The following MAML2 variants were observed in gnomAD, a reference collection of about 807,000 sequenced individuals.
MAML2 encodes the protein mastermind like transcriptional coactivator 2, also known as mastermind-like protein 2.
In MAML2, 22 loss-of-function variants were observed where a neutral mutation model predicts 96.1. The ratio of observed to expected loss-of-function variants is 0.23; its 90% CI spans 0.16 to 0.33. MAML2 has a LOEUF of 0.33. Among genes scored for constraint, MAML2 ranks in the 10% least tolerant of loss-of-function variants. The pLI is 1.00. For missense variants in MAML2, 1,367 were observed against 1,392.4 expected, an observed-to-expected ratio of 0.98 and a Z score of 0.29; for synonymous variants, 561 against 521.3, an observed-to-expected ratio of 1.08 and a Z score of -1.04.
intron 2 of MAML2, among the ~76,000 whole-genome samples, chr11:96,087,181 A>AAACC (rs10694967): frequency 0.021 from 3,241 of 152,274 alleles, 117 homozygotes; most frequent in African/African-American, 0.074. Context: ...GCTAATGTTA[A>AAACC]AACCAACCAA....
At chr11:96,139,957 A>G (rs771505916) in intron 1 of MAML2, among the ~76,000 whole-genome samples, 6 of 152,190 alleles carry the variant, frequency 3.9e-5, no homozygotes, top group Non-Finnish European at 7.3e-5. Context: ...AAAAAAATCT[A>G]TTGAATTAAG....
At chr11:96,290,236 C>G (rs1382070429) in intron 1 of MAML2, among the ~76,000 whole-genome samples, 1 of 152,182 alleles carries the variant, frequency 6.6e-6, no homozygotes, top group East Asian at 1.9e-4. Context: ...TGAACTCTAA[C>G]AGAGATACAG....
chr11:96,155,542 A>ATATATT (rs2135882900), intron 1 of MAML2, among the ~76,000 whole-genome samples: 1 of 103,608 alleles, frequency 9.7e-6, no homozygotes, highest in Non-Finnish European at 2.0e-5. Context: ...ATATATATAT[A>ATATATT]TATATATATG....
At chr11:96,296,607 C>T (rs496791) in intron 1 of MAML2, among the ~76,000 whole-genome samples, 37,474 of 151,972 alleles carry the variant, frequency 0.25, 4,864 homozygotes, top group East Asian at 0.33. Context: ...TGTGCCACTG[C>T]ACTCCAGCCT....
intron 1 of MAML2, among the ~76,000 whole-genome samples, chr11:96,278,618 A>G (rs2135984412): frequency 6.6e-6 from 1 of 152,242 alleles, no homozygotes; most frequent in African/African-American, 2.4e-5. Flanking sequence ...ATTACTTATG[A>G]CTCATTGAGT....
chr11:96,337,104 G>A (rs1318646402), intron 1 of MAML2, among the ~76,000 whole-genome samples: 1 of 152,058 alleles, frequency 6.6e-6, no homozygotes, highest in Non-Finnish European at 1.5e-5. Context: ...ATATTTACTT[G>A]AAATAAGTGG....
chr11:96,291,248 C>T (rs942714867), intron 1 of MAML2, among the ~76,000 whole-genome samples: 11 of 150,570 alleles, frequency 7.3e-5, no homozygotes, highest in Non-Finnish European at 1.6e-4. Flanking sequence ...GCCTCAGCCT[C>T]CTGAGTAGCT....
chr11:96,223,236 T>C (rs1862165388), intron 1 of MAML2, among the ~76,000 whole-genome samples: 1 of 152,158 alleles, frequency 6.6e-6, no homozygotes, highest in South Asian at 2.1e-4. Context: ...ATATTAATTA[T>C]GTATGACCTA....
chr11:96,065,469 T>G (rs890534078), intron 2 of MAML2, among the ~76,000 whole-genome samples: 1 of 151,882 alleles, frequency 6.6e-6, no homozygotes, highest in Non-Finnish European at 1.5e-5. Flanking sequence ...CAAAGAACCC[T>G]GGTTTAGCTG....
intron 2 of MAML2, among the ~76,000 whole-genome samples, chr11:96,070,232 G>C (rs542972561): frequency 1.3e-5 from 2 of 152,106 alleles, no homozygotes; most frequent in Non-Finnish European, 2.9e-5. Context: ...AGAGCTTGCA[G>C]TGAGCTGAGA....
At chr11:96,265,097 T>C (rs1015902461) in intron 1 of MAML2, among the ~76,000 whole-genome samples, 1 of 152,204 alleles carries the variant, frequency 6.6e-6, no homozygotes, top group Non-Finnish European at 1.5e-5. Flanking sequence ...AAATACATAG[T>C]GTCAGCTGAC....
intron 2 of MAML2, among the ~76,000 whole-genome samples, chr11:96,004,540 T>G (rs982144644): frequency 6.6e-6 from 1 of 152,146 alleles, no homozygotes; most frequent in Non-Finnish European, 1.5e-5. Flanking sequence ...CTCTTCAAGA[T>G]AGCAAAGTGA....
intron 1 of MAML2, among the ~76,000 whole-genome samples, chr11:96,251,582 G>C (rs1377433570): frequency 1.3e-5 from 2 of 152,076 alleles, no homozygotes; most frequent in Non-Finnish European, 2.9e-5. Context: ...CCAAAAGACA[G>C]GTATGTTTTA....
rs183872652 is a variant in MAML2, at chr11:96,142,971, G to A, written c.514-49454C>T. On this transcript the variant is annotated intron_variant, in intron 1 of 4. Transcript: ENST00000524717. Reference sequence around the variant, plus strand: ...GTGCAAAAAGAAATAGTAAAATAACGTAGGACCTTGTCTAAATAAGACTTA... The same window carrying A: ...GTGCAAAAAGAAATAGTAAAATAACATAGGACCTTGTCTAAATAAGACTTA... Among the ~76,000 whole-genome samples the A allele has an allele frequency of 9.3e-4, 142 of 152,254 alleles. 2 individuals carry two copies. The highest frequency in any genetic ancestry group is 2.6e-3 in the African/African-American group (109 of 41,546).
At chr11:95,987,945 T>C (rs921679245) in intron 3 of MAML2, among the ~76,000 whole-genome samples, 1 of 152,226 alleles carries the variant, frequency 6.6e-6, no homozygotes, top group Non-Finnish European at 1.5e-5. Context: ...AGATGTTCCA[T>C]GAACCCAAAT....
chr11:96,264,227 G>A (rs1862793484), intron 1 of MAML2, among the ~76,000 whole-genome samples: 1 of 152,170 alleles, frequency 6.6e-6, no homozygotes, highest in Admixed American at 6.5e-5. Context: ...CACAAACTAA[G>A]ATGTCAGCTG....
chr11:96,044,641 CA>C (rs34130308), intron 2 of MAML2, among the ~76,000 whole-genome samples: 8,349 of 152,242 alleles, frequency 0.055, 380 homozygotes, highest in East Asian at 0.19. Flanking sequence ...ATTGTGACTG[CA>C]AGCCAGGAAA....
At chr11:96,283,658 A>G (rs541948571) in intron 1 of MAML2, among the ~76,000 whole-genome samples, 13 of 152,286 alleles carry the variant, frequency 8.5e-5, no homozygotes, top group Non-Finnish European at 1.6e-4. Context: ...CACTAGACCA[A>G]CCAACATTTG....
At chr11:96,055,352 A>G (rs567267910) in intron 2 of MAML2, among the ~76,000 whole-genome samples, 54 of 152,174 alleles carry the variant, frequency 3.5e-4, no homozygotes, top group Non-Finnish European at 6.9e-4. Flanking sequence ...AGCACTACAC[A>G]AGAGCTTAGT....
Sources: allele counts gnomAD v4.1 joint callset (sites outside exome capture counted in the v4.1 genomes callset), GRCh38; gene constraint gnomAD v4.1.1; transcripts MANE v1.5; gene names NCBI Gene and HGNC (gene_info 2026-07-23, HGNC 2026-07-21).